MARCHF6: variants seen among roughly 807,000 people sequenced by gnomAD.
MARCHF6 encodes E3 ubiquitin-protein ligase MARCHF6.
MARCHF6 carries 31 observed loss-of-function variants against 133.7 expected under a neutral mutation model. That is an observed-to-expected ratio of 0.23 (90% CI 0.17 to 0.31). MARCHF6 has a LOEUF of 0.31. Ranked by LOEUF, MARCHF6 falls within the 10% of genes least tolerant of loss-of-function variation. MARCHF6 has a pLI of 1.00. For synonymous variants in MARCHF6, 395 were observed against 402.5 expected (o/e 0.98, Z 0.22); for missense variants, 723 against 1,121.6 (o/e 0.64, Z 5.08).
At chr5:10,384,544 A>G (rs1353860020) in intron 4 of MARCHF6, among the ~76,000 whole-genome samples, 2 of 152,208 alleles carry the variant, frequency 1.3e-5, no homozygotes, top group Non-Finnish European at 2.9e-5. Flanking sequence ...GTAGAATGTG[A>G]GCATCTGTTT....
At chr5:10,401,094 T>G in intron 11 of MARCHF6, 1 of 380,270 alleles carries the variant, frequency 2.6e-6, no homozygotes, top group Non-Finnish European at 4.8e-6. Context: ...GTGGGAAAGT[T>G]TCCCACAGGC....
intron 1 of MARCHF6, among the ~76,000 whole-genome samples, chr5:10,359,015 C>T (rs193284289): frequency 7.5e-4 from 114 of 152,306 alleles, no homozygotes; most frequent in Non-Finnish European, 1.4e-3. Flanking sequence ...GGCCACCTTC[C>T]GTTGCTGTTG....
intron 5 of MARCHF6, 84 bp downstream of exon 5, chr5:10,387,150 T>A (rs1737530504): frequency 2.0e-6 from 2 of 1,016,772 alleles, no homozygotes; most frequent in East Asian, 5.3e-5. Context: ...TATTATAATT[T>A]GTAAATTCTT....
intron 1 of MARCHF6, among the ~76,000 whole-genome samples, chr5:10,371,960 C>CG (rs1449853645): frequency 6.6e-6 from 1 of 151,872 alleles, no homozygotes; most frequent in African/African-American, 2.4e-5. Context: ...TAGTGAGACT[C>CG]TATCTCCTAA....
chr5:10,392,434 A>G (rs1220707072), intron 7 of MARCHF6, among the ~76,000 whole-genome samples: 1 of 152,192 alleles, frequency 6.6e-6, no homozygotes, highest in Non-Finnish European at 1.5e-5. Flanking sequence ...TGAAGTTTAT[A>G]CTGCAGACAA....
At chr5:10,371,387 G>A (rs1166845679) in intron 1 of MARCHF6, among the ~76,000 whole-genome samples, 1 of 152,152 alleles carries the variant, frequency 6.6e-6, no homozygotes, top group African/African-American at 2.4e-5. Flanking sequence ...CTGAGACTGG[G>A]CAATTTACAA....
At chr5:10,390,688 CTT>C (rs1303338915) in intron 6 of MARCHF6, among the ~76,000 whole-genome samples, 188 bp downstream of exon 6, 3 of 152,146 alleles carry the variant, frequency 2.0e-5, no homozygotes, top group African/African-American at 7.2e-5. Context: ...GGTATTACGA[CTT>C]TGCCTCTTAA....
intron 25 of MARCHF6, among the ~76,000 whole-genome samples, chr5:10,430,298 GGTGGTGGTTTTTTT>G (rs1740301373): frequency 6.8e-6 from 1 of 146,752 alleles, no homozygotes; most frequent in African/African-American, 2.5e-5. Flanking sequence ...TTTTTTTTTT[GGTGGTGGTTTTTTT>G]TTTTTTTTTT....
At chr5:10,418,366 G>C (rs1482588888) in intron 22 of MARCHF6, among the ~76,000 whole-genome samples, 2 of 147,356 alleles carry the variant, frequency 1.4e-5, no homozygotes, top group Non-Finnish European at 3.0e-5. Context: ...GGCGACAAGA[G>C]TGAGACCCTG....
At chr5:10,373,001 A>G (rs938383881) in intron 1 of MARCHF6, among the ~76,000 whole-genome samples, 1 of 151,740 alleles carries the variant, frequency 6.6e-6, no homozygotes, top group Admixed American at 6.6e-5. Flanking sequence ...TAGAGGTTAC[A>G]GTGAGCTATG....
intron 1 of MARCHF6, among the ~76,000 whole-genome samples, chr5:10,369,734 C>A (rs1027208428): frequency 6.6e-6 from 1 of 151,480 alleles, no homozygotes; most frequent in African/African-American, 2.4e-5. Flanking sequence ...ATAAATAGAA[C>A]CATACAGTAT....
At chr5:10,430,951 A>G (rs570422687) in intron 25 of MARCHF6, among the ~76,000 whole-genome samples, 6 of 152,320 alleles carry the variant, frequency 3.9e-5, no homozygotes, top group African/African-American at 1.4e-4. Flanking sequence ...ATCTGCTTCA[A>G]TGGGTTCTAG....
intron 9 of MARCHF6, among the ~76,000 whole-genome samples, chr5:10,396,651 A>G (rs1738208326): frequency 6.6e-6 from 1 of 152,186 alleles, no homozygotes; most frequent in Non-Finnish European, 1.5e-5. Flanking sequence ...CAGTGTCAGC[A>G]TGGGGCATAG....
chr5:10,390,908 G>A (rs1181949498), intron 6 of MARCHF6, among the ~76,000 whole-genome samples: 1 of 152,172 alleles, frequency 6.6e-6, no homozygotes, highest in Non-Finnish European at 1.5e-5. Context: ...AAGGACTACA[G>A]AATGTTTTTA....
At chr5:10,399,049 C>T (rs1357203855) in intron 10 of MARCHF6, among the ~76,000 whole-genome samples, 1 of 152,048 alleles carries the variant, frequency 6.6e-6, no homozygotes, top group African/African-American at 2.4e-5. Context: ...AGAAATTGTC[C>T]TTAATTTCAG....
At chr5:10,423,545 C>G (rs909824407) in intron 22 of MARCHF6, among the ~76,000 whole-genome samples, 190 bp from the exon 23 acceptor site, 2 of 152,068 alleles carry the variant, frequency 1.3e-5, no homozygotes, top group African/African-American at 4.8e-5. Context: ...TTGATGGAAA[C>G]ATTGAATTTG....
intron 1 of MARCHF6, among the ~76,000 whole-genome samples, chr5:10,371,788 G>T (rs1736480058): frequency 6.6e-6 from 1 of 152,080 alleles, no homozygotes; most frequent in Admixed American, 6.5e-5. Flanking sequence ...GCAGTGGCTG[G>T]TCTTTTAAAA....
intron 4 of MARCHF6, among the ~76,000 whole-genome samples, chr5:10,382,758 C>G (rs1254790472): frequency 6.6e-6 from 1 of 152,164 alleles, no homozygotes; most frequent in African/African-American, 2.4e-5. Context: ...ACCTGGGAGG[C>G]AGAGGTTTCA....
intron 1 of MARCHF6, among the ~76,000 whole-genome samples, chr5:10,367,360 G>A (rs1232534273): frequency 3.3e-5 from 5 of 152,118 alleles, no homozygotes; most frequent in Admixed American, 3.3e-4. Context: ...AATAGTAGGG[G>A]ATATTGTGTG....
Sources: gnomAD v4.1 joint callset for allele counts (sites outside exome capture counted in the v4.1 genomes callset) on GRCh38, gnomAD v4.1.1 for gene constraint, MANE v1.5 for transcripts, NCBI Gene and HGNC (gene_info 2026-07-23, HGNC 2026-07-21) for gene names.